NELL1: variants seen among roughly 807,000 people sequenced by gnomAD.
The protein encoded by NELL1 is neural EGFL like 1.
NELL1 carries 76 observed loss-of-function variants against 107.4 expected under a neutral mutation model. That is an observed-to-expected ratio of 0.71 (90% CI 0.59 to 0.86). NELL1 has a LOEUF of 0.86. Ranked by LOEUF, NELL1 falls within the 40% of genes least tolerant of loss-of-function variation. The pLI is 0.00. For missense variants in NELL1, 1,024 were observed against 1,005.5 expected (o/e 1.02, Z -0.25); for synonymous variants, 353 against 341.2 (o/e 1.03, Z -0.38).
chr11:21,018,543 C>CAG (rs755725650), intron 12 of NELL1, among the ~76,000 whole-genome samples: 5 of 151,998 alleles, frequency 3.3e-5, no homozygotes, highest in Admixed American at 1.3e-4. Context: ...TCTAATTCTT[C>CAG]AGAGAGAGAG....
chr11:21,051,301 A>C (rs1314578709), intron 12 of NELL1, among the ~76,000 whole-genome samples: 1 of 152,154 alleles, frequency 6.6e-6, no homozygotes, highest in African/African-American at 2.4e-5. Flanking sequence ...ACCAAACACT[A>C]TATGTTCTCA....
chr11:21,233,162 T>C (rs1211217659), intron 14 of NELL1, among the ~76,000 whole-genome samples: 1 of 152,222 alleles, frequency 6.6e-6, no homozygotes, highest in Non-Finnish European at 1.5e-5. Context: ...GTAAGGCGTC[T>C]TTTCTTCTTT....
chr11:21,194,380 C>T (rs578011255), intron 13 of NELL1, among the ~76,000 whole-genome samples: 10 of 152,240 alleles, frequency 6.6e-5, no homozygotes, highest in South Asian at 4.1e-4. Context: ...AAAGGAGGAC[C>T]GGGTTGCTCA....
intron 12 of NELL1, among the ~76,000 whole-genome samples, chr11:21,103,112 T>C (rs1289301948): frequency 6.6e-6 from 1 of 152,188 alleles, no homozygotes; most frequent in Admixed American, 6.5e-5. Context: ...ATGTTTTTAA[T>C]GAACCGAGGT....
At chr11:21,540,035 T>C (rs996112684) in intron 16 of NELL1, among the ~76,000 whole-genome samples, 1 of 152,028 alleles carries the variant, frequency 6.6e-6, no homozygotes, top group Non-Finnish European at 1.5e-5. Flanking sequence ...CTAAAATTTG[T>C]TTAAGTGTAT....
At chr11:21,127,446 T>TA (rs1018288474) in intron 13 of NELL1, among the ~76,000 whole-genome samples, 1 of 151,882 alleles carries the variant, frequency 6.6e-6, no homozygotes, top group African/African-American at 2.4e-5. Context: ...GAAAAAAATT[T>TA]AAAAAATTAG....
At position 20,970,835 on chromosome 11, in the gene NELL1, A is replaced by G. The variant is rs75959323; in HGVS notation, c.1300+10275A>G. ...GTATATACACATATAGGATGCTGGT[A>G]TCACAGTGGGTGCAAAACTGGATCC... On this transcript the variant is annotated intron_variant, in intron 12 of 19. Transcript: ENST00000357134. Among the ~76,000 whole-genome samples, 859 of 152,232 alleles carry G rather than the reference A, an allele frequency of 5.6e-3. 11 individuals carry two copies. Among genetic ancestry groups the G allele is most frequent in the African/African-American group, 0.02 (815 of 41,534 alleles).
chr11:21,351,445 G>A (rs974860027), intron 14 of NELL1, among the ~76,000 whole-genome samples: 1 of 151,056 alleles, frequency 6.6e-6, no homozygotes, highest in Non-Finnish European at 1.5e-5. Flanking sequence ...TCAAGTGAGA[G>A]TTACCTGATT....
chr11:20,779,331 C>A (rs796192754), intron 2 of NELL1, among the ~76,000 whole-genome samples: 7 of 152,310 alleles, frequency 4.6e-5, no homozygotes, highest in African/African-American at 1.7e-4. Context: ...CACTCTTATT[C>A]AATCCTTTTT....
At chr11:20,770,637 T>C (rs894257256) in intron 2 of NELL1, among the ~76,000 whole-genome samples, 3 of 152,174 alleles carry the variant, frequency 2.0e-5, no homozygotes, top group African/African-American at 4.8e-5. Flanking sequence ...TAACAAGGCA[T>C]GTAATTAGAT....
chr11:20,684,938 T>C (rs1487624658), intron 2 of NELL1, among the ~76,000 whole-genome samples: 1 of 152,058 alleles, frequency 6.6e-6, no homozygotes, highest in Non-Finnish European at 1.5e-5. Flanking sequence ...CTGGATACTG[T>C]TGCCTTTTGG....
At chr11:20,689,198 GC>G (rs1464929298) in intron 2 of NELL1, among the ~76,000 whole-genome samples, 1 of 151,900 alleles carries the variant, frequency 6.6e-6, no homozygotes, top group African/African-American at 2.4e-5. Flanking sequence ...TGCATAGTTT[GC>G]AAATATTTTC....
chr11:20,884,244 G>A (rs531476922), intron 4 of NELL1, among the ~76,000 whole-genome samples: 1 of 152,324 alleles, frequency 6.6e-6, no homozygotes, highest in South Asian at 2.1e-4. Context: ...CTTGACACAA[G>A]TGGACAGTCT....
intron 2 of NELL1, among the ~76,000 whole-genome samples, chr11:20,683,336 G>C (rs1260264496): frequency 6.6e-6 from 1 of 151,940 alleles, no homozygotes; most frequent in Non-Finnish European, 1.5e-5. Context: ...TTTAGGTTCA[G>C]GGGGTACCTG....
chr11:21,038,459 G>A (rs1853148596), intron 12 of NELL1, among the ~76,000 whole-genome samples: 1 of 152,212 alleles, frequency 6.6e-6, no homozygotes, highest in East Asian at 1.9e-4. Flanking sequence ...AGAAACAGAA[G>A]GCCAAGGGTA....
intron 12 of NELL1, among the ~76,000 whole-genome samples, chr11:21,099,222 CACACACACACAA>C (rs938393837): frequency 1.7e-4 from 23 of 137,168 alleles, no homozygotes; most frequent in South Asian, 1.3e-3. Context: ...CACACACACA[CACACACACACAA>C]ACACACACAC....
At chr11:20,698,768 G>T (rs1450844527) in intron 2 of NELL1, among the ~76,000 whole-genome samples, 1 of 152,148 alleles carries the variant, frequency 6.6e-6, no homozygotes, top group Non-Finnish European at 1.5e-5. Flanking sequence ...TGTACCTAAT[G>T]TGTAGCTTTT....
At chr11:20,711,246 C>A (rs1227613601) in intron 2 of NELL1, among the ~76,000 whole-genome samples, 2 of 152,018 alleles carry the variant, frequency 1.3e-5, no homozygotes, top group African/African-American at 4.8e-5. Context: ...GCTTTTTCCA[C>A]CCCTTTACCT....
rs202002957 is a variant in NELL1, at chr11:20,940,278, T to C, written c.1071+2419T>C. ...GCTACCTTGGGCTTCTTTTTTTTTT[T>C]AGACCGGGTCTCGCTCTGTCTCCCA... On this transcript the variant is annotated intron_variant, in intron 10 of 19. Coordinates refer to ENST00000357134, the MANE Select transcript of NELL1 (RefSeq NM_006157.5). Among the ~76,000 whole-genome samples the C allele has an allele frequency of 6.9e-3, 959 of 138,960 alleles. 17 individuals carry two copies. The highest frequency in any genetic ancestry group is 0.053 in the East Asian group (240 of 4,526). The allele number at this position is 138,960 out of a possible 152,430, so 91.2% of individuals were successfully genotyped here. A position where few individuals can be genotyped will look rare whatever the true frequency, so the allele number is the denominator to read the frequency against.
Sources: allele counts gnomAD v4.1 joint callset (sites outside exome capture counted in the v4.1 genomes callset), GRCh38; gene constraint gnomAD v4.1.1; transcripts MANE v1.5; gene names NCBI Gene and HGNC (gene_info 2026-07-23, HGNC 2026-07-21).